Variants in ARHGAP20 observed in about 807,000 individuals in gnomAD.
The protein encoded by ARHGAP20 is Rho GTPase activating protein 20, also known as rho GTPase-activating protein 20.
In ARHGAP20, 34 loss-of-function variants were observed where a neutral mutation model predicts 73.7. The observed-to-expected ratio is 0.46, with a 90% CI of 0.35 to 0.61. The LOEUF (loss-of-function observed/expected upper bound fraction) is 0.61. Ranked by LOEUF, ARHGAP20 falls within the 20% of genes least tolerant of loss-of-function variation. The probability of loss-of-function intolerance (pLI) is 0.00; values close to 1 mark genes in which losing one functional copy is unlikely to be tolerated. For missense variants in ARHGAP20, 1,314 were observed against 1,420.9 expected, an observed-to-expected ratio of 0.92 and a Z score of 1.21; for synonymous variants, 523 against 518.2, an observed-to-expected ratio of 1.01 and a Z score of -0.13.
At chr11:110,702,033 T>C (rs1230486112) in intron 1 of ARHGAP20, among the ~76,000 whole-genome samples, 2 of 152,190 alleles carry the variant, frequency 1.3e-5, no homozygotes, top group East Asian at 3.9e-4. Flanking sequence ...TCCAGCTTTG[T>C]TCTTTTGGCT....
At chr11:110,655,016 T>C (rs1949434653) in intron 2 of ARHGAP20, among the ~76,000 whole-genome samples, 1 of 152,180 alleles carries the variant, frequency 6.6e-6, no homozygotes, top group Non-Finnish European at 1.5e-5. Context: ...ACATGGTGAG[T>C]TAGTATTCCA....
At chr11:110,648,172 AAT>A (rs201393164) in intron 2 of ARHGAP20, among the ~76,000 whole-genome samples, 21,177 of 91,300 alleles carry the variant, frequency 0.23, 2,199 homozygotes, top group East Asian at 0.45. Flanking sequence ...TATATATGTA[AAT>A]ATATATATAT....
At position 110,580,602 on chromosome 11, in the gene ARHGAP20, A is replaced by C; in HGVS notation, c.2344T>G (p.Leu782Val). Residue 782 changes from leucine (L) to valine (V), a missense_variant, in exon 15 of 15, where the codon TTG becomes GTG. Leu to Val is a conservative substitution (Grantham distance 32, BLOSUM62 1). Coordinates refer to ENST00000683387, the MANE Select transcript of ARHGAP20 (RefSeq NM_001384657.1). ...ATTQNTKKKSLSGSEGNHVKL... is the reference protein window; with the variant it reads ...ATTQNTKKKSVSGSEGNHVKL... ...ACGTGATTTCCTTCACTACCAGACA[A>C]GCTTTTCTTCTTAGTGTTTTGAGTA... 6.2e-7 allele frequency: 1 copy of C among 1,614,238 alleles called. No homozygotes were observed. Among genetic ancestry groups the C allele is most frequent in the Non-Finnish European group, 8.5e-7 (1 of 1,180,038 alleles).
intron 13 of ARHGAP20, among the ~76,000 whole-genome samples, chr11:110,582,750 A>C (rs533243096): frequency 6.6e-6 from 1 of 152,254 alleles, no homozygotes; most frequent in African/African-American, 2.4e-5. Flanking sequence ...ATCATTAGAC[A>C]AAGACTTATA....
chr11:110,622,525 A>T (rs904092348), intron 4 of ARHGAP20, among the ~76,000 whole-genome samples: 36 of 152,206 alleles, frequency 2.4e-4, no homozygotes, highest in Admixed American at 2.4e-3. Flanking sequence ...CTCTTGACTT[A>T]TTTCAGATTT....
intron 1 of ARHGAP20, among the ~76,000 whole-genome samples, chr11:110,698,072 A>G (rs114942831): frequency 0.017 from 2,576 of 151,648 alleles, 53 homozygotes; most frequent in African/African-American, 0.046. Flanking sequence ...ATGTTTTTCC[A>G]TTTGTGTCAT....
chr11:110,627,831 C>A (rs141793841), intron 3 of ARHGAP20, among the ~76,000 whole-genome samples: 38 of 152,178 alleles, frequency 2.5e-4, no homozygotes, highest in Non-Finnish European at 5.0e-4. Context: ...TAAAACAGAT[C>A]CTGGTTTTTA....
chr11:110,601,972 A>G (rs1948121447), intron 9 of ARHGAP20, among the ~76,000 whole-genome samples: 1 of 141,392 alleles, frequency 7.1e-6, no homozygotes, highest in Non-Finnish European at 1.5e-5. Flanking sequence ...TAAGAATGAG[A>G]CTTTTTCTCA....
intron 1 of ARHGAP20, among the ~76,000 whole-genome samples, chr11:110,700,749 CCCA>C (rs1950431648): frequency 8.3e-6 from 1 of 119,828 alleles, no homozygotes; most frequent in South Asian, 3.4e-4. Context: ...CTCCCCCCAC[CCCA>C]CAACAGTCCC....
chr11:110,672,875 A>C (rs1949856919), intron 2 of ARHGAP20, among the ~76,000 whole-genome samples: 1 of 152,214 alleles, frequency 6.6e-6, no homozygotes, highest in Non-Finnish European at 1.5e-5. Flanking sequence ...TCAACTCTTA[A>C]GATATTTACC....
chr11:110,682,178 T>A (rs2135096059), intron 2 of ARHGAP20, among the ~76,000 whole-genome samples: 1 of 152,300 alleles, frequency 6.6e-6, no homozygotes, highest in East Asian at 1.9e-4. Flanking sequence ...TCTTTTTAAT[T>A]TCCCATCTGC....
In ARHGAP20 at chr11:110,712,108, C is replaced by T. The variant is rs768265335; in HGVS notation, c.105+19G>A. 28 of 1,306,232 alleles carry T rather than the reference C, an allele frequency of 2.1e-5. No homozygotes were observed. The highest frequency in any genetic ancestry group is 3.6e-5 in the Admixed American group (1 of 27,542). 80.9% of individuals were successfully genotyped at this position (1,306,232 alleles called of 1,614,324 possible). On this transcript the variant is annotated intron_variant, in intron 1 of 14. Transcript: ENST00000683387. ...GGCTGCGGCGGCGGAGGGCACGGGC[C>T]CCCGCTCAGCGTCCTCACCTTCTTG...
At chr11:110,591,869 A>G in intron 10 of ARHGAP20, 108 bp downstream of exon 10, 2 of 1,153,820 alleles carry the variant, frequency 1.7e-6, no homozygotes, top group South Asian at 3.4e-5. Context: ...TTCTTAGCCA[A>G]AGACAGTGGT....
intron 2 of ARHGAP20, among the ~76,000 whole-genome samples, chr11:110,640,124 G>C (rs914950144): frequency 6.6e-6 from 1 of 151,874 alleles, no homozygotes; most frequent in South Asian, 2.1e-4. Context: ...CTTATGTTTT[G>C]AGAATATTCT....
At chr11:110,663,225 TAAAG>T (rs1324991464) in intron 2 of ARHGAP20, among the ~76,000 whole-genome samples, 1 of 151,040 alleles carries the variant, frequency 6.6e-6, no homozygotes, top group Non-Finnish European at 1.5e-5. Context: ...AGAAAAGTAA[TAAAG>T]AAAATAAATG....
intron 2 of ARHGAP20, among the ~76,000 whole-genome samples, chr11:110,675,601 T>C (rs1280183783): frequency 6.6e-6 from 1 of 152,142 alleles, no homozygotes; most frequent in African/African-American, 2.4e-5. Context: ...CTCCTCCACA[T>C]GCACAGTTCA....
At position 110,712,330 on chromosome 11, in the gene ARHGAP20, G is replaced by A. The variant is rs979443280; in HGVS notation, c.-99C>T. On this transcript the variant is annotated 5_prime_UTR_variant, in exon 1 of 15. Transcript: ENST00000683387. The stretch of plus-strand genomic sequence containing the variant: ...GGCGAGGACGCGCGGGCGGAGGCGC[G>A]GCTGCCGTGCTCAGGCAGGGAGCCG... 3.8e-6 allele frequency: 4 copies of A among 1,042,126 alleles called. No homozygotes were observed. The African/African-American group carries it at 5.0e-5, about 13-fold the overall frequency. 64.6% of individuals were successfully genotyped at this position (1,042,126 alleles called of 1,614,324 possible).
At chr11:110,630,190 T>C (rs1281952020) in intron 3 of ARHGAP20, among the ~76,000 whole-genome samples, 2 of 152,214 alleles carry the variant, frequency 1.3e-5, no homozygotes, top group African/African-American at 4.8e-5. Flanking sequence ...TCTGAATGGC[T>C]GATTGCTTTT....
chr11:110,673,457 C>G (rs939779431), intron 2 of ARHGAP20, among the ~76,000 whole-genome samples: 3 of 152,026 alleles, frequency 2.0e-5, no homozygotes, highest in African/African-American at 4.8e-5. Flanking sequence ...TTCTCTGATA[C>G]AAGCCATAAA....
Sources: allele counts gnomAD v4.1 joint callset (sites outside exome capture counted in the v4.1 genomes callset), GRCh38; gene constraint gnomAD v4.1.1; transcripts MANE v1.5; gene names NCBI Gene and HGNC (gene_info 2026-07-23, HGNC 2026-07-21).